Variants in ZC3H11C observed in about 807,000 individuals in gnomAD.
ZC3H11C encodes zinc finger CCCH domain-containing protein 11C.
chr6:65,301,977 A>G, the ZC3H11C span, among the ~76,000 whole-genome samples: 1 of 152,288 alleles, frequency 6.6e-6, no homozygotes. Context: ...CTTGAAGACC[A>G]GAAATTGGAT....
chr6:65,302,098 T>C, the ZC3H11C span, among the ~76,000 whole-genome samples: 1 of 152,254 alleles, frequency 6.6e-6, no homozygotes, highest in East Asian at 1.9e-4. Flanking sequence ...AATGAACTCT[T>C]TTTTTTGTTT....
At chr6:65,305,693 A>C in the ZC3H11C span, among the ~76,000 whole-genome samples, 2 of 152,238 alleles carry the variant, frequency 1.3e-5, no homozygotes, top group Non-Finnish European at 2.9e-5. Flanking sequence ...TGAGATGGTG[A>C]CATGATTAGA....
At chr6:65,306,257 G>T in the ZC3H11C span, among the ~76,000 whole-genome samples, 4 of 152,212 alleles carry the variant, frequency 2.6e-5, no homozygotes, top group African/African-American at 9.6e-5. Context: ...ATCAAGAGTT[G>T]AACTTCACGT....
the ZC3H11C span, chr6:65,302,865 C>G: frequency 6.2e-7 from 1 of 1,613,522 alleles, no homozygotes; most frequent in South Asian, 1.1e-5. Context: ...GAAGTGAAGG[C>G]TAGCCAACTT....
chr6:65,301,899 T>C, the ZC3H11C span, among the ~76,000 whole-genome samples: 1 of 152,266 alleles, frequency 6.6e-6, no homozygotes, highest in Non-Finnish European at 1.5e-5. Context: ...TGATGCTTTT[T>C]AGGATTTGGG....
chr6:65,301,712 C>A, the ZC3H11C span, among the ~76,000 whole-genome samples: 1 of 152,254 alleles, frequency 6.6e-6, no homozygotes, highest in Non-Finnish European at 1.5e-5. Flanking sequence ...GCGTGGGAGT[C>A]AAGAGCAACA....
At chr6:65,302,900 G>C in the ZC3H11C span, 4 of 1,613,944 alleles carry the variant, frequency 2.5e-6, no homozygotes, top group Middle Eastern at 1.7e-4. Context: ...CAAATTGTCT[G>C]TCCAGTCCAA....
At chr6:65,304,722 C>T in the ZC3H11C span, 7 of 47,824 alleles carry the variant, frequency 1.5e-4, no homozygotes, top group South Asian at 1.1e-3. Flanking sequence ...CTAACCCAGT[C>T]CTCTTCAGAT....
chr6:65,306,461 C>T, the ZC3H11C span, among the ~76,000 whole-genome samples: 1 of 152,082 alleles, frequency 6.6e-6, no homozygotes, highest in East Asian at 1.9e-4. Flanking sequence ...GTTCAGGTTT[C>T]ACCACGGATT....
the ZC3H11C span, among the ~76,000 whole-genome samples, chr6:65,301,820 A>G: frequency 6.6e-6 from 1 of 152,120 alleles, no homozygotes; most frequent in Non-Finnish European, 1.5e-5. Flanking sequence ...GAAGGCCTAT[A>G]CTGTTGACAT....
chr6:65,305,462 T>G, the ZC3H11C span, among the ~76,000 whole-genome samples: 4 of 152,242 alleles, frequency 2.6e-5, no homozygotes, highest in Admixed American at 6.5e-5. Flanking sequence ...TTTAAAGGTA[T>G]TTAGAGATTC....
the ZC3H11C span, among the ~76,000 whole-genome samples, chr6:65,302,236 T>C: frequency 3.9e-4 from 60 of 152,098 alleles, no homozygotes; most frequent in African/African-American, 1.3e-3. Context: ...GGCTGAGAGG[T>C]TTTCTTGGCA....
the ZC3H11C span, among the ~76,000 whole-genome samples, chr6:65,301,587 C>T: frequency 5.9e-5 from 9 of 152,224 alleles, no homozygotes; most frequent in Non-Finnish European, 1.3e-4. Flanking sequence ...GTCATCGGTT[C>T]GGGTCCCACT....
At chr6:65,305,383 T>C in the ZC3H11C span, among the ~76,000 whole-genome samples, 1 of 152,328 alleles carries the variant, frequency 6.6e-6, no homozygotes, top group African/African-American at 2.4e-5. Flanking sequence ...GCTGCTACCA[T>C]TAAGGACCAA....
chr6:65,302,267 T>C, the ZC3H11C span, among the ~76,000 whole-genome samples: 6 of 152,202 alleles, frequency 3.9e-5, no homozygotes, highest in Non-Finnish European at 5.9e-5. Flanking sequence ...GAAAATTTTT[T>C]CTGCTTCATT....
chr6:65,306,377 G>A, the ZC3H11C span, among the ~76,000 whole-genome samples: 3 of 152,048 alleles, frequency 2.0e-5, no homozygotes, highest in South Asian at 2.1e-4. Context: ...TTTATGTATC[G>A]ACACACCTCT....
chr6:65,301,548 C>T, the ZC3H11C span, among the ~76,000 whole-genome samples: 2 of 152,342 alleles, frequency 1.3e-5, no homozygotes, highest in East Asian at 3.9e-4. Flanking sequence ...AGAAGAAAGA[C>T]GTGGCAGCAA....
chr6:65,302,423 G>A, the ZC3H11C span: 8 of 636,354 alleles, frequency 1.3e-5, no homozygotes, highest in African/African-American at 1.5e-4. Flanking sequence ...TCATTTGGAA[G>A]ATTAAACCCA....
the ZC3H11C span, among the ~76,000 whole-genome samples, chr6:65,306,374 A>G: frequency 6.6e-6 from 1 of 152,162 alleles, no homozygotes; most frequent in Admixed American, 6.5e-5. Flanking sequence ...AAATTTATGT[A>G]TCGACACACC....
Sources: allele counts gnomAD v4.1 joint callset (sites outside exome capture counted in the v4.1 genomes callset), GRCh38; gene constraint gnomAD v4.1.1; transcripts MANE v1.5; gene names NCBI Gene and HGNC (gene_info 2026-07-23, HGNC 2026-07-21).